The following SLC6A2 variants were observed in gnomAD, a reference collection of about 807,000 sequenced individuals.
SLC6A2 encodes the protein sodium-dependent noradrenaline transporter.
A neutral mutation model predicts 71.7 loss-of-function variants in SLC6A2; 26 were observed. The ratio of observed to expected loss-of-function variants is 0.36; its 90% CI spans 0.27 to 0.50. The LOEUF is 0.50. Ranked by LOEUF, SLC6A2 falls within the 20% of genes least tolerant of loss-of-function variation. The pLI, the probability that SLC6A2 is intolerant of heterozygous loss-of-function variation, is 0.96. For synonymous variants in SLC6A2, 363 were observed against 337.9 expected (o/e 1.07, Z -0.82); for missense variants, 581 against 803.9 (o/e 0.72, Z 3.35).
intron 4 of SLC6A2, among the ~76,000 whole-genome samples, chr16:55,683,961 C>T (rs2142554784): frequency 6.6e-6 from 1 of 152,262 alleles, no homozygotes; most frequent in African/African-American, 2.4e-5. Context: ...TTTCTCTCAG[C>T]AGTGTGTGCT....
At chr16:55,667,824 G>C (rs1248606170) in intron 2 of SLC6A2, among the ~76,000 whole-genome samples, 1 of 152,156 alleles carries the variant, frequency 6.6e-6, no homozygotes, top group African/African-American at 2.4e-5. Context: ...GAATGTTCCA[G>C]AATCTGTGGG....
At chr16:55,657,045 A>G (rs1192278537) in intron 2 of SLC6A2, 77 bp downstream of exon 2, 2 of 1,529,416 alleles carry the variant, frequency 1.3e-6, no homozygotes, top group Non-Finnish European at 1.8e-6. Flanking sequence ...AGGAGCTGGA[A>G]TACACACGGA....
At chr16:55,672,401 A>C (rs1176038760) in intron 4 of SLC6A2, among the ~76,000 whole-genome samples, 2 of 152,200 alleles carry the variant, frequency 1.3e-5, no homozygotes, top group Non-Finnish European at 2.9e-5. Flanking sequence ...CGGGCAAGAT[A>C]ATACACAAAT....
rs1409849049 is a variant in SLC6A2, at chr16:55,700,296, C to G, written c.1748C>G (p.Ser583Cys). The change falls in exon 13 of 15, where the codon TCT becomes TGT. Residue 583 changes from serine (S) to cysteine (C), a missense_variant. Coordinates refer to ENST00000568943, the MANE Select transcript of SLC6A2 (RefSeq NM_001172501.3). ...TATAAGTTCCTCAGCACGCAGGGCT[C>G]TCTTTGGGAGGTGAGCTCTGGTCCT... ...VIYKFLSTQG[S>C]LWERLAYGIT... 1.2e-6 allele frequency: 2 copies of G among 1,613,124 alleles called. No homozygotes were observed. The highest frequency in any genetic ancestry group is 2.2e-5 in the East Asian group (1 of 44,828).
intron 3 of SLC6A2, 164 bp from the exon 4 acceptor site, chr16:55,671,774 C>T (rs1300062129): frequency 2.1e-6 from 3 of 1,419,538 alleles, no homozygotes; most frequent in East Asian, 5.0e-5. Flanking sequence ...GAAAAATTGT[C>T]TTCCATGCGA....
chr16:55,673,456 T>C (rs1437111469), intron 4 of SLC6A2, among the ~76,000 whole-genome samples: 1 of 152,276 alleles, frequency 6.6e-6, no homozygotes, highest in Non-Finnish European at 1.5e-5. Flanking sequence ...CATCATACTT[T>C]TGTCCACATT....
chr16:55,677,323 C>T (rs1965121161), intron 4 of SLC6A2, among the ~76,000 whole-genome samples: 1 of 152,154 alleles, frequency 6.6e-6, no homozygotes, highest in Non-Finnish European at 1.5e-5. Flanking sequence ...GTTGCACCCT[C>T]TCCCCCTCAT....
intron 11 of SLC6A2, 147 bp from the exon 12 acceptor site, chr16:55,699,407 G>A (rs1965900106): frequency 4.3e-6 from 3 of 705,488 alleles, no homozygotes; most frequent in South Asian, 3.0e-5. Flanking sequence ...GCATTACAAA[G>A]GGCCCATCCC....
intron 2 of SLC6A2, among the ~76,000 whole-genome samples, chr16:55,660,172 G>A (rs1338858428): frequency 6.6e-6 from 1 of 152,124 alleles, no homozygotes; most frequent in Admixed American, 6.5e-5. Context: ...GAGATCTCCA[G>A]CTGTGCACCT....
intron 5 of SLC6A2, among the ~76,000 whole-genome samples, chr16:55,688,920 G>A (rs1965533675): frequency 6.6e-6 from 1 of 152,110 alleles, no homozygotes; most frequent in Non-Finnish European, 1.5e-5. Flanking sequence ...CTTGAATTTG[G>A]TACCCTGGAA....
intron 2 of SLC6A2, among the ~76,000 whole-genome samples, chr16:55,658,430 T>C (rs935185893): frequency 6.6e-6 from 1 of 152,052 alleles, no homozygotes; most frequent in Non-Finnish European, 1.5e-5. Flanking sequence ...GGAGAATCAC[T>C]TGAACCCGGG....
At chr16:55,671,444 T>C (rs771171153) in intron 3 of SLC6A2, among the ~76,000 whole-genome samples, 31 of 152,192 alleles carry the variant, frequency 2.0e-4, no homozygotes, top group Non-Finnish European at 3.4e-4. Flanking sequence ...GGCAATCTGC[T>C]ATAGCACGTT....
chr16:55,692,155 A>C, intron 6 of SLC6A2, 103 bp downstream of exon 6: 2 of 1,349,788 alleles, frequency 1.5e-6, no homozygotes, highest in Non-Finnish European at 2.1e-6. Context: ...ACAAATGTGC[A>C]GTGTAGCCTT....
At chr16:55,684,913 C>T (rs1434848834) in intron 4 of SLC6A2, among the ~76,000 whole-genome samples, 1 of 152,226 alleles carries the variant, frequency 6.6e-6, no homozygotes, top group East Asian at 1.9e-4. Flanking sequence ...AGCGTGGAAT[C>T]TCCCCAGATG....
chr16:55,677,833 A>G (rs1226429147), intron 4 of SLC6A2, among the ~76,000 whole-genome samples: 1 of 151,860 alleles, frequency 6.6e-6, no homozygotes, highest in Non-Finnish European at 1.5e-5. Context: ...CTAGCTTTTT[A>G]TATTTTTTGT....
intron 12 of SLC6A2, 98 bp downstream of exon 12, chr16:55,699,752 G>C (rs1177080036): frequency 1.2e-6 from 1 of 859,240 alleles, no homozygotes; most frequent in African/African-American, 1.7e-5. Flanking sequence ...AGGAGGCTCT[G>C]GGATCCAGAG....
At chr16:55,666,256 C>T (rs1411713160) in intron 2 of SLC6A2, among the ~76,000 whole-genome samples, 1 of 152,228 alleles carries the variant, frequency 6.6e-6, no homozygotes, top group African/African-American at 2.4e-5. Context: ...AGCAGGACCA[C>T]ACAAGTATGG....
chr16:55,686,611 G>T (rs537809124), intron 5 of SLC6A2, among the ~76,000 whole-genome samples: 2 of 152,122 alleles, frequency 1.3e-5, no homozygotes, highest in African/African-American at 4.8e-5. Flanking sequence ...AAGGGGGGGT[G>T]CACCAGAGTT....
chr16:55,674,166 G>A (rs1212845915), intron 4 of SLC6A2, among the ~76,000 whole-genome samples: 1 of 151,852 alleles, frequency 6.6e-6, no homozygotes, highest in African/African-American at 2.4e-5. Context: ...GTACTTTTTC[G>A]ACTCTTGTCC....
Sources: gnomAD v4.1 joint callset for allele counts (sites outside exome capture counted in the v4.1 genomes callset) on GRCh38, gnomAD v4.1.1 for gene constraint, MANE v1.5 for transcripts, NCBI Gene and HGNC (gene_info 2026-07-23, HGNC 2026-07-21) for gene names.